The following NTNG2 variants were observed in gnomAD, a reference collection of about 807,000 sequenced individuals.
NTNG2 encodes the protein netrin-G2.
NTNG2 carries 15 observed loss-of-function variants against 47.6 expected under a neutral mutation model. That is an observed-to-expected ratio of 0.32 (90% CI 0.21 to 0.49). The LOEUF (loss-of-function observed/expected upper bound fraction) is 0.49, where lower values mean the gene tolerates loss of function less well. Ranked by LOEUF, NTNG2 falls within the 20% of genes least tolerant of loss-of-function variation. NTNG2 has a pLI of 0.99. For synonymous variants in NTNG2, 307 were observed against 324.6 expected (o/e 0.95, Z 0.58); for missense variants, 578 against 764.6 (o/e 0.76, Z 2.88).
chr9:132,170,640 G>A (rs1266575484), intron 2 of NTNG2, among the ~76,000 whole-genome samples: 1 of 152,276 alleles, frequency 6.6e-6, no homozygotes, highest in East Asian at 1.9e-4. Context: ...GAGGAAGGGG[G>A]AAACCCTTCC....
intron 2 of NTNG2, among the ~76,000 whole-genome samples, chr9:132,169,192 C>T (rs76429605): frequency 0.05 from 7,661 of 152,366 alleles, 291 homozygotes; most frequent in South Asian, 0.15. Flanking sequence ...CAATCTCCCA[C>T]ATGGGCAAGT....
At chr9:132,164,141 C>A (rs1306335891) in intron 1 of NTNG2, among the ~76,000 whole-genome samples, 1 of 152,208 alleles carries the variant, frequency 6.6e-6, no homozygotes, top group Non-Finnish European at 1.5e-5. Context: ...ATTCCCCCTG[C>A]GATGCCAGCA....
chr9:132,234,434 T>G (rs1841474227), intron 5 of NTNG2, among the ~76,000 whole-genome samples: 2 of 152,198 alleles, frequency 1.3e-5, no homozygotes, highest in African/African-American at 4.8e-5. Context: ...GGCGAGAACT[T>G]GCTTCCCACA....
At chr9:132,227,871 C>G (rs982167624) in intron 4 of NTNG2, among the ~76,000 whole-genome samples, 9 of 152,252 alleles carry the variant, frequency 5.9e-5, no homozygotes, top group African/African-American at 2.2e-4. Flanking sequence ...CCACAGACTG[C>G]CCCTGGGGTG....
At chr9:132,175,655 T>C (rs999127777) in intron 2 of NTNG2, among the ~76,000 whole-genome samples, 2 of 152,168 alleles carry the variant, frequency 1.3e-5, no homozygotes, top group African/African-American at 4.8e-5. Context: ...TATATGAAAA[T>C]GTGTTTCTAA....
In NTNG2 at chr9:132,197,888, G is replaced by A. The variant is rs1838431555; in HGVS notation, c.214-78G>A. 2.8e-6 allele frequency: 4 copies of A among 1,430,670 alleles called. No homozygotes were observed. The highest frequency in any genetic ancestry group is 2.1e-5 in the Admixed American group (1 of 48,178). The allele number at this position is 1,430,670 out of a possible 1,614,324, so 88.6% of individuals were successfully genotyped here. A position where few individuals can be genotyped will look rare whatever the true frequency, so the allele number is the denominator to read the frequency against. Reference sequence around the variant, plus strand: ...GCAGGTTTCTCGGTTCGCAGGCAGGGGCTAGGCCGCGCAGAGGCTTCCCAG... The same window carrying A: ...GCAGGTTTCTCGGTTCGCAGGCAGGAGCTAGGCCGCGCAGAGGCTTCCCAG... On this transcript the variant is annotated intron_variant, in intron 2 of 7. Coordinates refer to ENST00000393229, the MANE Select transcript of NTNG2 (RefSeq NM_032536.4). This position sits in a 1 kb window ranked among gnomAD's most constrained non-coding sequence, Gnocchi z 4.3.
At position 132,198,561 on chromosome 9, in the gene NTNG2, AC is replaced by A; in HGVS notation, c.811del (p.Leu271SerfsTer98). Reference protein sequence around the residue: ...ALGGTYVQRENLYKYFYAISN... With the variant: ...ALGGTYVQREXLYKYFYAISN... ...GGCGGCACCTATGTGCAGCGGGAGA[AC>A]CTCTACAAGTACTTCTACGCCATCT... On this transcript the variant is annotated frameshift_variant, in exon 3 of 8. Coordinates refer to ENST00000393229, the MANE Select transcript of NTNG2 (RefSeq NM_032536.4). LOFTEE classifies it high-confidence loss of function. 1 of 1,612,994 alleles carries A rather than the reference AC, an allele frequency of 6.2e-7. No individual in the cohort carries two copies. Among genetic ancestry groups the A allele is most frequent in the Non-Finnish European group, 8.5e-7 (1 of 1,179,926 alleles).
intron 3 of NTNG2, among the ~76,000 whole-genome samples, chr9:132,216,602 ATC>A (rs1360710521): frequency 6.6e-6 from 1 of 151,972 alleles, no homozygotes; most frequent in Admixed American, 6.6e-5. Context: ...AGCATGCCCT[ATC>A]TCTATGTTCA....
intron 3 of NTNG2, among the ~76,000 whole-genome samples, chr9:132,214,146 G>A (rs1839806726): frequency 2.6e-5 from 4 of 152,354 alleles, no homozygotes; most frequent in Admixed American, 6.5e-5. Context: ...GTCATTCCCC[G>A]CAAGGAGTGG....
chr9:132,240,306 A>G (rs997594384), intron 6 of NTNG2, among the ~76,000 whole-genome samples: 3 of 152,208 alleles, frequency 2.0e-5, no homozygotes, highest in African/African-American at 4.8e-5. Context: ...TTTGGATCCA[A>G]TTAGAGGTGC....
intron 2 of NTNG2, among the ~76,000 whole-genome samples, chr9:132,174,368 A>G (rs1313459102): frequency 2.9e-5 from 4 of 137,036 alleles, no homozygotes; most frequent in South Asian, 5.0e-4. Flanking sequence ...TTAGACGGAC[A>G]GATGGACGGA....
upstream of NTNG2, chr9:132,161,767 G>A (rs1442480760): frequency 1.3e-5 from 2 of 151,814 alleles, no homozygotes; most frequent in African/African-American, 4.8e-5. This position sits in a 1 kb window ranked among gnomAD's most constrained non-coding sequence, Gnocchi z 7.2. Flanking sequence ...TTGGAGCGGA[G>A]TGCAGGGGGG....
At chr9:132,213,948 T>C (rs1839790250) in intron 3 of NTNG2, among the ~76,000 whole-genome samples, 1 of 152,154 alleles carries the variant, frequency 6.6e-6, no homozygotes, top group Non-Finnish European at 1.5e-5. Context: ...AAGAGGTGCT[T>C]TGAGACAAGT....
intron 5 of NTNG2, among the ~76,000 whole-genome samples, chr9:132,237,024 G>A (rs571304089): frequency 2.7e-4 from 41 of 152,336 alleles, no homozygotes; most frequent in Middle Eastern, 3.4e-3. Context: ...AGAGACGGGC[G>A]TGGTGTGCAA....
At position 132,242,190 on chromosome 9, in the gene NTNG2, G is replaced by C; in HGVS notation, c.*79G>C. 1 of 689,760 alleles carries C rather than the reference G, an allele frequency of 1.4e-6. No individual in the cohort carries two copies. Among genetic ancestry groups the C allele is most frequent in the Non-Finnish European group, 1.8e-6 (1 of 545,712 alleles). The allele number at this position is 689,760 out of a possible 1,614,324, so 42.7% of individuals were successfully genotyped here. ...GGGGCGGGGCCGGCGTCCGAGGCCG[G>C]GCGGTGAGAAGGGTGCGGCCCGAGG... On this transcript the variant is annotated 3_prime_UTR_variant, in exon 8 of 8. Coordinates refer to ENST00000393229, the MANE Select transcript of NTNG2 (RefSeq NM_032536.4). This position sits in a 1 kb window ranked among gnomAD's most constrained non-coding sequence, Gnocchi z 5.9.
Position 132,198,354 on chromosome 9 carries a change from G to T in NTNG2, c.602G>T (p.Arg201Leu), listed in dbSNP as rs754122947. 4 of 1,612,858 alleles carry T rather than the reference G, an allele frequency of 2.5e-6. No homozygotes were observed. Among genetic ancestry groups the T allele is most frequent in the Non-Finnish European group, 3.4e-6 (4 of 1,179,930 alleles). Residue 201 changes from arginine to leucine, a missense_variant, in exon 3 of 8, where the codon CGC becomes CTC. Coordinates refer to ENST00000393229, the MANE Select transcript of NTNG2 (RefSeq NM_032536.4). Reference sequence around the variant, plus strand: ...GTGCTCTGCACCGAGGAGTACTCGCGCTGGGCAGGCTCCAAGAAGGAGAAG... The same window carrying T: ...GTGCTCTGCACCGAGGAGTACTCGCTCTGGGCAGGCTCCAAGAAGGAGAAG... ...HRVLCTEEYSRWAGSKKEKHV... is the reference protein window; with the variant it reads ...HRVLCTEEYSLWAGSKKEKHV...
intron 5 of NTNG2, among the ~76,000 whole-genome samples, chr9:132,234,122 A>C (rs1423772154): frequency 6.8e-6 from 1 of 147,262 alleles, no homozygotes; most frequent in African/African-American, 2.6e-5. Context: ...CCGCCCCCCC[A>C]GGTTCAAGCA....
rs1842142761 is a variant in NTNG2, at chr9:132,244,269, T to A, written c.*2158T>A. On this transcript the variant is annotated 3_prime_UTR_variant, in exon 8 of 8. Transcript: ENST00000393229. The stretch of plus-strand genomic sequence containing the variant: ...CATAACAGTGTCACCCTCAGGATAG[T>A]GAAGGGTGGAGCCGGGGGTGGAAGT... The A allele has an allele frequency of 6.6e-6, 1 of 152,322 alleles. No individual in the cohort carries two copies. Among genetic ancestry groups the A allele is most frequent in the South Asian group, 2.1e-4 (1 of 4,824 alleles). The allele number at this position is 152,322 out of a possible 1,614,324, so 9.4% of individuals were successfully genotyped here.
At chr9:132,181,123 AC>A (rs948610612) in intron 2 of NTNG2, among the ~76,000 whole-genome samples, 4 of 152,010 alleles carry the variant, frequency 2.6e-5, no homozygotes, top group Non-Finnish European at 4.4e-5. Context: ...TCACTCTGTC[AC>A]CCAGGCTGGA....
Sources: allele counts gnomAD v4.1 joint callset (sites outside exome capture counted in the v4.1 genomes callset), GRCh38; gene constraint gnomAD v4.1.1; non-coding constraint Gnocchi (gnomAD v3.1); transcripts MANE v1.5; gene names NCBI Gene and HGNC (gene_info 2026-07-23, HGNC 2026-07-21).